The following LCMT1 variants were observed in gnomAD, a reference collection of about 807,000 sequenced individuals.
LCMT1 encodes leucine carboxyl methyltransferase 1.
In LCMT1, 32 loss-of-function variants were observed where a neutral mutation model predicts 47.7. The observed-to-expected ratio is 0.67, with a 90% CI of 0.51 to 0.90. The LOEUF is 0.90. Ranked by LOEUF, LCMT1 falls within the 40% of genes least tolerant of loss-of-function variation. The pLI, the probability that LCMT1 is intolerant of heterozygous loss-of-function variation, is 0.00. For missense variants in LCMT1, 375 were observed against 415.2 expected, an observed-to-expected ratio of 0.90 and a Z score of 0.84; for synonymous variants, 152 against 149.7, an observed-to-expected ratio of 1.02 and a Z score of -0.11.
At chr16:25,151,003 A>G (rs1736276002) in intron 4 of LCMT1, among the ~76,000 whole-genome samples, 5 of 152,184 alleles carry the variant, frequency 3.3e-5, no homozygotes. Context: ...TTCCGGGGAC[A>G]GAAAGTGTGT....
chr16:25,160,998 T>TA (rs767991318), intron 5 of LCMT1, 104 bp from the exon 6 acceptor site: 1 of 690,558 alleles, frequency 1.4e-6, no homozygotes, highest in Non-Finnish European at 2.4e-6. Flanking sequence ...TTTTTTTTTT[T>TA]AACAATGATG....
intron 3 of LCMT1, among the ~76,000 whole-genome samples, chr16:25,133,586 A>G (rs1466403712): frequency 6.7e-6 from 1 of 150,096 alleles, no homozygotes; most frequent in African/African-American, 2.4e-5. Flanking sequence ...TTTAGTAGAG[A>G]CGGGGTTTCA....
At position 25,168,108 on chromosome 16, in the gene LCMT1, G is replaced by T. The variant is rs566716872; in HGVS notation, c.691-1004G>T. 3.3e-5 allele frequency among the ~76,000 whole-genome samples: 5 copies of T among 151,844 alleles called. No homozygotes were observed. The South Asian group carries it at 1.0e-3, about 32-fold the overall frequency. ...CTGTCATCCAGGCTGGAGTGCAGTT[G>T]CGCAATCTCAGCTCACTGCAGCCTC... On this transcript the variant is annotated intron_variant, in intron 7 of 10. Transcript: ENST00000399069.
At chr16:25,136,391 G>A (rs987712092) in intron 3 of LCMT1, among the ~76,000 whole-genome samples, 5 of 151,836 alleles carry the variant, frequency 3.3e-5, no homozygotes, top group South Asian at 4.2e-4. Flanking sequence ...ATATCAAAAG[G>A]GCCATCAAGA....
At chr16:25,160,751 CTGT>C (rs770742682) in intron 5 of LCMT1, 1 of 528,464 alleles carries the variant, frequency 1.9e-6, no homozygotes, top group Non-Finnish European at 3.8e-6. Context: ...GTCCCTGATG[CTGT>C]TGTTACGTAG....
At chr16:25,176,289 G>A (rs17774085) in intron 10 of LCMT1, among the ~76,000 whole-genome samples, 7,897 of 152,046 alleles carry the variant, frequency 0.052, 217 homozygotes, top group East Asian at 0.13. Flanking sequence ...TCCCAGTTCC[G>A]GCCTTCAGTG....
At chr16:25,168,750 T>C (rs1305120844) in intron 7 of LCMT1, among the ~76,000 whole-genome samples, 3 of 152,238 alleles carry the variant, frequency 2.0e-5, no homozygotes, top group African/African-American at 7.2e-5. Flanking sequence ...AATTTCATTA[T>C]ACAAACATGC....
At position 25,164,632 on chromosome 16, in the gene LCMT1, G is replaced by T; in HGVS notation, c.604G>T (p.Val202Phe). ...PTLLIAECVLVYMTPEQSANL... is the reference protein window; with the variant it reads ...PTLLIAECVLFYMTPEQSANL... ...ACTCCTGATAGCTGAATGTGTGCTG[G>T]TTTACATGACTCCAGAGCAGTCCGC... is the stretch of plus-strand genomic sequence containing the variant. The change falls in exon 7 of 11, where the codon GTT becomes TTT. Residue 202 changes from valine (V) to phenylalanine (F), a missense_variant. By Grantham distance (50) the Val-to-Phe change is conservative. Coordinates refer to ENST00000399069, the MANE Select transcript of LCMT1 (RefSeq NM_016309.3). 1.2e-6 allele frequency: 2 copies of T among 1,613,894 alleles called. No individual in the cohort carries two copies. The highest frequency in any genetic ancestry group is 1.1e-5 in the South Asian group (1 of 91,074).
chr16:25,158,759 A>G (rs950266857), intron 5 of LCMT1: 1 of 152,268 alleles, frequency 6.6e-6, no homozygotes, highest in Non-Finnish European at 1.5e-5. Context: ...CTTCAAGGAC[A>G]GATAATGGAC....
intron 1 of LCMT1, among the ~76,000 whole-genome samples, chr16:25,115,347 G>A (rs192947017): frequency 6.6e-6 from 1 of 152,010 alleles, no homozygotes; most frequent in Non-Finnish European, 1.5e-5. Flanking sequence ...CTTGCCCTTT[G>A]GTCTTAGTAG....
intron 3 of LCMT1, among the ~76,000 whole-genome samples, chr16:25,136,787 C>T (rs2141658311): frequency 6.6e-6 from 1 of 152,196 alleles, no homozygotes; most frequent in East Asian, 1.9e-4. Flanking sequence ...GATCCACCAC[C>T]CTCAGCCTCC....
chr16:25,126,875 C>A (rs924236344), intron 1 of LCMT1, among the ~76,000 whole-genome samples: 2 of 152,146 alleles, frequency 1.3e-5, no homozygotes, highest in South Asian at 4.1e-4. Context: ...TTCTAAGGTC[C>A]CTTCTGATCC....
intron 1 of LCMT1, among the ~76,000 whole-genome samples, chr16:25,120,295 G>C (rs1456634384): frequency 2.3e-4 from 35 of 149,808 alleles, no homozygotes; most frequent in Admixed American, 1.0e-3. Flanking sequence ...GCGATCTCGG[G>C]TCACTGCAAC....
chr16:25,173,006 G>T (rs1427927560), intron 9 of LCMT1, among the ~76,000 whole-genome samples: 1 of 152,244 alleles, frequency 6.6e-6, no homozygotes, highest in Non-Finnish European at 1.5e-5. Context: ...CCCTCACGGG[G>T]GAGGCGGGTA....
chr16:25,170,305 A>C (rs536135985), intron 8 of LCMT1, among the ~76,000 whole-genome samples: 65 of 152,320 alleles, frequency 4.3e-4, no homozygotes, highest in African/African-American at 1.5e-3. Flanking sequence ...ACTGTCACTC[A>C]TAGAAAAGTT....
At chr16:25,161,506 G>A (rs922585932) in intron 6 of LCMT1, among the ~76,000 whole-genome samples, 5 of 152,082 alleles carry the variant, frequency 3.3e-5, no homozygotes, top group East Asian at 1.9e-4. Flanking sequence ...ACAGGCATGC[G>A]CCACCATGCC....
intron 6 of LCMT1, among the ~76,000 whole-genome samples, chr16:25,164,266 C>T (rs1219442084): frequency 6.6e-6 from 1 of 152,128 alleles, no homozygotes; most frequent in Non-Finnish European, 1.5e-5. Flanking sequence ...GAATAAACAC[C>T]TCTCAAATGG....
intron 2 of LCMT1, among the ~76,000 whole-genome samples, chr16:25,128,997 G>A (rs1220376990): frequency 1.3e-5 from 2 of 148,486 alleles, no homozygotes; most frequent in Non-Finnish European, 3.0e-5. Context: ...ATGAGTGACA[G>A]GCCCCAGTGT....
In LCMT1 at chr16:25,140,186, C is replaced by T. The variant is rs762760454; in HGVS notation, c.343C>T (p.Pro115Ser). The stretch of plus-strand genomic sequence containing the variant: ...TTTTCCCCAGGATGAAGATCTTCTC[C>T]CAAGTAAATATTTTGAGGTTGACTT... ...FWRLKDEDLL[P>S]SKYFEVDFPM... Residue 115 changes from proline (P) to serine (S), a missense_variant, in exon 4 of 11, where the codon CCA becomes TCA. By Grantham distance (74) the Pro-to-Ser change is moderately conservative. Coordinates refer to ENST00000399069, the MANE Select transcript of LCMT1 (RefSeq NM_016309.3). The T allele has an allele frequency of 1.2e-6, 2 of 1,608,358 alleles. No individual in the cohort carries two copies. Among genetic ancestry groups the T allele is most frequent in the Non-Finnish European group, 1.7e-6 (2 of 1,176,962 alleles).
Sources: allele counts gnomAD v4.1 joint callset (sites outside exome capture counted in the v4.1 genomes callset), GRCh38; gene constraint gnomAD v4.1.1; transcripts MANE v1.5; gene names NCBI Gene and HGNC (gene_info 2026-07-23, HGNC 2026-07-21).